The following ENOX1 variants were observed in gnomAD, a reference collection of about 807,000 sequenced individuals.
ENOX1 encodes the protein candidate growth-related and time keeping constitutive hydroquinone (NADH) oxidase.
A neutral mutation model predicts 82.5 loss-of-function variants in ENOX1; 42 were observed. The observed-to-expected ratio is 0.51, with a 90% CI of 0.40 to 0.66. The LOEUF (loss-of-function observed/expected upper bound fraction) is 0.66, where lower values mean the gene tolerates loss of function less well. ENOX1 is among the 30% of genes least tolerant of loss of function. The pLI is 0.00. For synonymous variants in ENOX1, 271 were observed against 282.2 expected, an observed-to-expected ratio of 0.96 and a Z score of 0.40; for missense variants, 608 against 811.6, an observed-to-expected ratio of 0.75 and a Z score of 3.05.
chr13:43,415,911 G>A (rs76101120), intron 3 of ENOX1, among the ~76,000 whole-genome samples: 178 of 104,934 alleles, frequency 1.7e-3, no homozygotes, highest in Admixed American at 2.0e-3. Context: ...CGGGGCGGCC[G>A]GGCAGAGGCG....
intron 1 of ENOX1, among the ~76,000 whole-genome samples, chr13:43,673,179 A>G (rs890846217): frequency 3.3e-5 from 5 of 151,342 alleles, no homozygotes; most frequent in African/African-American, 9.7e-5. Context: ...ATGTGTGTAT[A>G]TATATATATA....
At chr13:43,560,982 C>T (rs796535515) in intron 2 of ENOX1, among the ~76,000 whole-genome samples, 5 of 151,952 alleles carry the variant, frequency 3.3e-5, no homozygotes, top group African/African-American at 9.7e-5. Context: ...ATTTAAAAGA[C>T]AGTAATCAAA....
At chr13:43,600,893 A>G (rs1375039479) in intron 2 of ENOX1, among the ~76,000 whole-genome samples, 1 of 152,220 alleles carries the variant, frequency 6.6e-6, no homozygotes, top group Admixed American at 6.5e-5. Flanking sequence ...CTGGTAATCC[A>G]GAGAATTCTT....
chr13:43,620,710 T>C (rs1034912489), intron 2 of ENOX1, among the ~76,000 whole-genome samples: 8 of 152,198 alleles, frequency 5.3e-5, no homozygotes, highest in African/African-American at 1.9e-4. Context: ...TTGAATAGAA[T>C]GTGTATTCTG....
chr13:43,597,301 C>A (rs756306797), intron 2 of ENOX1, among the ~76,000 whole-genome samples: 2 of 152,180 alleles, frequency 1.3e-5, no homozygotes, highest in African/African-American at 2.4e-5. Context: ...CAAATGATAT[C>A]ATGGAGCCTA....
chr13:43,391,205 C>T (rs912618321), intron 5 of ENOX1, among the ~76,000 whole-genome samples: 2 of 152,110 alleles, frequency 1.3e-5, no homozygotes, highest in East Asian at 1.9e-4. Flanking sequence ...GATCCCGTAA[C>T]GTTGCACACT....
At chr13:43,701,524 CTA>C (rs780731839) in intron 1 of ENOX1, among the ~76,000 whole-genome samples, 1 of 152,090 alleles carries the variant, frequency 6.6e-6, no homozygotes, top group Non-Finnish European at 1.5e-5. Context: ...CACAAAATAT[CTA>C]TGTTAGTATT....
At chr13:43,583,272 AT>A (rs2080832665) in intron 2 of ENOX1, among the ~76,000 whole-genome samples, 1 of 152,246 alleles carries the variant, frequency 6.6e-6, no homozygotes, top group African/African-American at 2.4e-5. Flanking sequence ...GACAAATAGA[AT>A]CCAACAGCAA....
intron 1 of ENOX1, among the ~76,000 whole-genome samples, chr13:43,699,205 C>T (rs779506641): frequency 2.0e-5 from 3 of 152,150 alleles, no homozygotes; most frequent in Non-Finnish European, 4.4e-5. Flanking sequence ...GAGGCATCAG[C>T]TAAGAAATGA....
chr13:43,609,142 G>A (rs2082092773), intron 2 of ENOX1, among the ~76,000 whole-genome samples: 1 of 152,124 alleles, frequency 6.6e-6, no homozygotes, highest in African/African-American at 2.4e-5. Flanking sequence ...TCCTGTCTCT[G>A]TGTCTTTTTA....
chr13:43,266,880 C>T (rs1426901046), intron 13 of ENOX1, among the ~76,000 whole-genome samples: 2 of 152,182 alleles, frequency 1.3e-5, no homozygotes, highest in African/African-American at 2.4e-5. Context: ...TGTTCTTTTT[C>T]AGCAGAAGTA....
At chr13:43,318,364 A>G (rs567176510) in intron 11 of ENOX1, among the ~76,000 whole-genome samples, 4 of 152,242 alleles carry the variant, frequency 2.6e-5, no homozygotes, top group African/African-American at 9.6e-5. Context: ...CTTTTTTCAA[A>G]TGAGTCTTAC....
chr13:43,348,978 AC>A (rs1177830799), intron 8 of ENOX1, among the ~76,000 whole-genome samples: 1 of 152,238 alleles, frequency 6.6e-6, no homozygotes, highest in Non-Finnish European at 1.5e-5. Flanking sequence ...AGTGTTCAGT[AC>A]TATCCATGGT....
At chr13:43,400,415 T>A (rs1417560804) in intron 5 of ENOX1, among the ~76,000 whole-genome samples, 1 of 152,322 alleles carries the variant, frequency 6.6e-6, no homozygotes, top group East Asian at 1.9e-4. Flanking sequence ...AGGATGTACA[T>A]AGGTTGACTC....
intron 2 of ENOX1, among the ~76,000 whole-genome samples, chr13:43,523,018 T>C (rs1057216454): frequency 6.6e-6 from 1 of 152,196 alleles, no homozygotes; most frequent in African/African-American, 2.4e-5. Context: ...ACAGTAGCAG[T>C]GCATCTTGAA....
chr13:43,580,165 C>T (rs1221981424), intron 2 of ENOX1, among the ~76,000 whole-genome samples: 2 of 152,180 alleles, frequency 1.3e-5, no homozygotes, highest in African/African-American at 4.8e-5. Flanking sequence ...TGTCCTTGAC[C>T]TGTACAAAAA....
Position 43,733,832 on chromosome 13 carries a change from G to T in ENOX1, c.-285+52820C>A, listed in dbSNP as rs150270200. On this transcript the variant is annotated intron_variant, in intron 1 of 16. Transcript: ENST00000690772. Reference sequence around the variant, plus strand: ...AATCAAGTTAAGATAAGGTCCTTAGGGTCAGCCCTAATCTAATATGACTGG... The same window carrying T: ...AATCAAGTTAAGATAAGGTCCTTAGTGTCAGCCCTAATCTAATATGACTGG... 1.7e-3 allele frequency among the ~76,000 whole-genome samples: 256 copies of T among 152,194 alleles called. 1 individual carries two copies. Among genetic ancestry groups the T allele is most frequent in the East Asian group, 0.014 (73 of 5,178 alleles).
intron 9 of ENOX1, among the ~76,000 whole-genome samples, chr13:43,333,561 C>T (rs2048529498): frequency 6.6e-6 from 1 of 152,200 alleles, no homozygotes; most frequent in Non-Finnish European, 1.5e-5. Flanking sequence ...GAAACGGCAA[C>T]CCTGATCTCC....
intron 14 of ENOX1, among the ~76,000 whole-genome samples, chr13:43,240,088 A>G (rs547551047): frequency 5.3e-5 from 8 of 152,314 alleles, no homozygotes; most frequent in African/African-American, 1.9e-4. Context: ...CATCATCATG[A>G]TTGGTTAAGG....
Sources: allele counts gnomAD v4.1 joint callset (sites outside exome capture counted in the v4.1 genomes callset), GRCh38; gene constraint gnomAD v4.1.1; transcripts MANE v1.5; gene names NCBI Gene and HGNC (gene_info 2026-07-23, HGNC 2026-07-21).